The following ABTB3 variants were observed in gnomAD, a reference collection of about 807,000 sequenced individuals.
The protein encoded by ABTB3 is ankyrin repeat- and BTB/POZ domain-containing protein 3.
the ABTB3 span, among the ~76,000 whole-genome samples, chr12:107,447,251 T>G: frequency 4.0e-3 from 604 of 152,320 alleles, 1 homozygote; most frequent in South Asian, 8.1e-3. Context: ...CAAGCGATTT[T>G]CTTGCCTCAG....
chr12:107,413,352 C>G, the ABTB3 span, among the ~76,000 whole-genome samples: 3 of 152,140 alleles, frequency 2.0e-5, no homozygotes, highest in African/African-American at 7.2e-5. Context: ...GATGAGGAAG[C>G]TGAAGTTTGG....
chr12:107,321,795 T>G, the ABTB3 span, among the ~76,000 whole-genome samples: 2 of 152,134 alleles, frequency 1.3e-5, no homozygotes, highest in African/African-American at 4.8e-5. Context: ...GGGGCTTAAT[T>G]TCCTTCCTGG....
chr12:107,474,147 T>C, the ABTB3 span, among the ~76,000 whole-genome samples: 1 of 152,322 alleles, frequency 6.6e-6, no homozygotes, highest in East Asian at 1.9e-4. Context: ...GGGCATGTTT[T>C]TGGTGACTGC....
the ABTB3 span, among the ~76,000 whole-genome samples, chr12:107,600,129 G>A: frequency 6.6e-6 from 1 of 152,102 alleles, no homozygotes; most frequent in Non-Finnish European, 1.5e-5. Flanking sequence ...TATAAAACAG[G>A]GACATGAAAG....
At chr12:107,501,510 C>T in the ABTB3 span, among the ~76,000 whole-genome samples, 1 of 151,922 alleles carries the variant, frequency 6.6e-6, no homozygotes, top group Non-Finnish European at 1.5e-5. Context: ...ACCTGCCTGG[C>T]CAACATAGTG....
the ABTB3 span, among the ~76,000 whole-genome samples, chr12:107,320,409 A>G: frequency 3.9e-5 from 6 of 152,214 alleles, no homozygotes; most frequent in Admixed American, 3.3e-4. Flanking sequence ...CGCTTAGTAC[A>G]TATACTCCAC....
At chr12:107,540,413 C>T in the ABTB3 span, among the ~76,000 whole-genome samples, 1 of 152,194 alleles carries the variant, frequency 6.6e-6, no homozygotes, top group African/African-American at 2.4e-5. Flanking sequence ...GTCTTCCTCA[C>T]TCAGCCCACT....
the ABTB3 span, among the ~76,000 whole-genome samples, chr12:107,507,408 C>T: frequency 6.6e-6 from 1 of 152,262 alleles, no homozygotes; most frequent in South Asian, 2.1e-4. Context: ...TCTGGGTTTG[C>T]TGGCAGCCCG....
At chr12:107,485,686 G>T in the ABTB3 span, among the ~76,000 whole-genome samples, 1 of 152,024 alleles carries the variant, frequency 6.6e-6, no homozygotes, top group Non-Finnish European at 1.5e-5. Flanking sequence ...ATTGTTTTTT[G>T]ATTTCTTCTT....
chr12:107,569,768 T>C, the ABTB3 span, among the ~76,000 whole-genome samples: 3 of 152,208 alleles, frequency 2.0e-5, no homozygotes, highest in Non-Finnish European at 4.4e-5. Flanking sequence ...TTAAACAAGA[T>C]AGAAGTTTAT....
chr12:107,318,711 C>A, the ABTB3 span: 1 of 502,744 alleles, frequency 2.0e-6, no homozygotes, highest in Non-Finnish European at 3.5e-6. Flanking sequence ...CCCCATTGCG[C>A]CCAGCTCCGG....
the ABTB3 span, among the ~76,000 whole-genome samples, chr12:107,336,964 C>T: frequency 2.0e-5 from 3 of 152,244 alleles, no homozygotes; most frequent in Admixed American, 6.5e-5. Flanking sequence ...AGTCTTCCTG[C>T]ATATTTCTGA....
the ABTB3 span, among the ~76,000 whole-genome samples, chr12:107,505,261 A>G: frequency 6.6e-6 from 1 of 152,140 alleles, no homozygotes; most frequent in African/African-American, 2.4e-5. Flanking sequence ...ATAAGTAGCT[A>G]AAAAAATAGC....
At chr12:107,559,145 G>A in the ABTB3 span, among the ~76,000 whole-genome samples, 1 of 152,232 alleles carries the variant, frequency 6.6e-6, no homozygotes, top group Non-Finnish European at 1.5e-5. Context: ...AGAGAGAGAT[G>A]TAGGGACCAG....
the ABTB3 span, among the ~76,000 whole-genome samples, chr12:107,398,266 G>A: frequency 2.6e-5 from 4 of 152,186 alleles, no homozygotes; most frequent in Non-Finnish European, 5.9e-5. Flanking sequence ...GCCCACGTTT[G>A]TTTCCTGAAG....
the ABTB3 span, among the ~76,000 whole-genome samples, chr12:107,582,479 TG>T: frequency 6.6e-6 from 1 of 152,202 alleles, no homozygotes; most frequent in African/African-American, 2.4e-5. Context: ...TTCAGATTTT[TG>T]TCTGGGCATT....
the ABTB3 span, among the ~76,000 whole-genome samples, chr12:107,577,184 A>T: frequency 6.6e-6 from 1 of 152,194 alleles, no homozygotes; most frequent in South Asian, 2.1e-4. Flanking sequence ...GACTGACCTT[A>T]TGGCCCACAA....
chr12:107,619,182 T>C, the ABTB3 span, among the ~76,000 whole-genome samples: 1 of 152,170 alleles, frequency 6.6e-6, no homozygotes, highest in Non-Finnish European at 1.5e-5. Context: ...TGTGGAACGT[T>C]TGTGCCATTG....
chr12:107,643,752 C>CTTTTTT, the ABTB3 span, among the ~76,000 whole-genome samples: 461 of 111,362 alleles, frequency 4.1e-3, 11 homozygotes, highest in Non-Finnish European at 5.8e-3. Flanking sequence ...ATTGTTATTC[C>CTTTTTT]TTTTTTTTTT....
Sources: allele counts gnomAD v4.1 joint callset (sites outside exome capture counted in the v4.1 genomes callset), GRCh38; gene constraint gnomAD v4.1.1; transcripts MANE v1.5; gene names NCBI Gene and HGNC (gene_info 2026-07-23, HGNC 2026-07-21).